The following LMBRD1 variants were observed in gnomAD, a reference collection of about 807,000 sequenced individuals.
The protein encoded by LMBRD1 is LMBR1 domain containing 1, also known as lysosomal cobalamin transport escort protein LMBD1.
Under a neutral mutation model 74.8 loss-of-function variants are expected in LMBRD1, and 64 were observed. That is an observed-to-expected ratio of 0.86 (90% CI 0.70 to 1.05). The LOEUF (loss-of-function observed/expected upper bound fraction) is 1.05. Among genes scored for constraint, LMBRD1 ranks in the 50% least tolerant of loss-of-function variants. LMBRD1 has a pLI of 0.00. For missense variants in LMBRD1, 652 were observed against 645.9 expected (o/e 1.01, Z -0.10); for synonymous variants, 204 against 216.3 (o/e 0.94, Z 0.50).
chr6:69,742,534 T>C (rs1480315945), intron 5 of LMBRD1, among the ~76,000 whole-genome samples: 2 of 152,132 alleles, frequency 1.3e-5, no homozygotes, highest in East Asian at 1.9e-4. Flanking sequence ...ATGTGCACTT[T>C]ATTATCTAGC....
intron 1 of LMBRD1, chr6:69,790,692 T>C (rs1766062287): frequency 1.9e-6 from 1 of 539,158 alleles, no homozygotes; most frequent in South Asian, 2.0e-5. Flanking sequence ...CACACAATAC[T>C]ATTAATAACA....
At chr6:69,716,238 G>C (rs969699618) in intron 8 of LMBRD1, among the ~76,000 whole-genome samples, 1 of 152,192 alleles carries the variant, frequency 6.6e-6, no homozygotes, top group Non-Finnish European at 1.5e-5. Context: ...TCTACCAACA[G>C]TGTTTAAGCC....
At chr6:69,717,197 ACT>A (rs1301061340) in intron 8 of LMBRD1, among the ~76,000 whole-genome samples, 5 of 151,998 alleles carry the variant, frequency 3.3e-5, no homozygotes, top group African/African-American at 1.2e-4. Flanking sequence ...ACTGTGATAA[ACT>A]CTTATTAGTT....
intron 1 of LMBRD1, among the ~76,000 whole-genome samples, chr6:69,791,095 C>A (rs940431547): frequency 2.0e-5 from 3 of 152,212 alleles, no homozygotes; most frequent in African/African-American, 7.2e-5. Flanking sequence ...GTTGACATCT[C>A]TAGTCAGCCA....
chr6:69,711,087 T>C (rs897590416), intron 9 of LMBRD1, among the ~76,000 whole-genome samples: 8 of 152,142 alleles, frequency 5.3e-5, no homozygotes, highest in Non-Finnish European at 1.0e-4. Context: ...AATAAACAAA[T>C]TGTGATACAG....
intron 4 of LMBRD1, among the ~76,000 whole-genome samples, chr6:69,751,352 GTC>G (rs1178822752): frequency 2.0e-5 from 3 of 150,970 alleles, no homozygotes; most frequent in Non-Finnish European, 4.4e-5. Context: ...CTGAGATGGA[GTC>G]TCGCTCTTGT....
chr6:69,711,194 C>T (rs1766375363), intron 9 of LMBRD1, among the ~76,000 whole-genome samples: 1 of 152,066 alleles, frequency 6.6e-6, no homozygotes. Context: ...AAAAACTGTG[C>T]CATGCCAAAG....
Position 69,726,828 on chromosome 6 carries a change from G to A in LMBRD1, c.637-7747C>T, listed in dbSNP as rs73485539. 3.3e-3 allele frequency among the ~76,000 whole-genome samples: 509 copies of A among 151,962 alleles called. 2 individuals are homozygous for A. Among genetic ancestry groups the A allele is most frequent in the African/African-American group, 0.012 (479 of 41,444 alleles). On this transcript the variant is annotated intron_variant, in intron 7 of 15. Coordinates refer to ENST00000649934, the MANE Select transcript of LMBRD1 (RefSeq NM_018368.4). ...CCCAGTATTTGAAAGCACAACAGGT[G>A]AACTATAGTCAATAATAATTTCGTT...
At chr6:69,755,430 A>C (rs989120771) in intron 3 of LMBRD1, among the ~76,000 whole-genome samples, 1 of 151,912 alleles carries the variant, frequency 6.6e-6, no homozygotes, top group African/African-American at 2.4e-5. Flanking sequence ...GGGGCCTGTC[A>C]GGGGGTTGGG....
chr6:69,763,782 T>C (rs1222493598), intron 3 of LMBRD1, among the ~76,000 whole-genome samples: 6 of 152,228 alleles, frequency 3.9e-5, no homozygotes, highest in African/African-American at 1.4e-4. Flanking sequence ...AAGAAGACTG[T>C]TTTTGAGCTA....
intron 2 of LMBRD1, among the ~76,000 whole-genome samples, chr6:69,783,859 C>CA (rs937228612): frequency 4.0e-4 from 60 of 149,996 alleles, no homozygotes; most frequent in African/African-American, 1.0e-3. Flanking sequence ...ATCCCAATCT[C>CA]AAAAAAAAAT....
At chr6:69,737,312 A>C (rs905354945) in intron 7 of LMBRD1, among the ~76,000 whole-genome samples, 1 of 152,054 alleles carries the variant, frequency 6.6e-6, no homozygotes, top group African/African-American at 2.4e-5. Context: ...CTACAATGTG[A>C]GCAAAAGACT....
At chr6:69,691,877 A>AT (rs1283839446) in intron 14 of LMBRD1, among the ~76,000 whole-genome samples, 1 of 147,034 alleles carries the variant, frequency 6.8e-6, no homozygotes, top group East Asian at 1.9e-4. Context: ...CTCCGTCTCA[A>AT]AAAAAAAAAA....
At chr6:69,715,969 A>T (rs1220366896) in intron 8 of LMBRD1, among the ~76,000 whole-genome samples, 1 of 152,178 alleles carries the variant, frequency 6.6e-6, no homozygotes, top group Non-Finnish European at 1.5e-5. Flanking sequence ...ATGGCTACAT[A>T]CTATTCCATG....
At position 69,739,859 on chromosome 6, in the gene LMBRD1, G is replaced by A. The variant is rs538165222; in HGVS notation, c.563-1844C>T. ...GCAGTGGCTCATGCCTGTAATCCCA[G>A]CACTTTGGGAGGCCAAGGTGGGCGG... On this transcript the variant is annotated intron_variant, in intron 6 of 15. Coordinates refer to ENST00000649934, the MANE Select transcript of LMBRD1 (RefSeq NM_018368.4). Among the ~76,000 whole-genome samples the A allele has an allele frequency of 8.5e-5, 13 of 152,292 alleles. No homozygotes were observed. In the East Asian group the frequency reaches 2.5e-3, roughly 29 times the overall value.
chr6:69,721,179 C>A (rs1766606094), intron 7 of LMBRD1, among the ~76,000 whole-genome samples: 1 of 152,202 alleles, frequency 6.6e-6, no homozygotes, highest in Non-Finnish European at 1.5e-5. Flanking sequence ...GAAACAAGGA[C>A]TGCAATTCCT....
intron 6 of LMBRD1, 25 bp downstream of exon 6, chr6:69,741,764 G>GT (rs756033228): frequency 1.3e-4 from 176 of 1,353,818 alleles, no homozygotes; most frequent in Non-Finnish European, 1.8e-4. Flanking sequence ...AAACTACTAT[G>GT]TTTTTTAAAA....
intron 2 of LMBRD1, among the ~76,000 whole-genome samples, chr6:69,786,752 G>A (rs1342087655): frequency 6.6e-6 from 1 of 152,164 alleles, no homozygotes; most frequent in East Asian, 1.9e-4. Flanking sequence ...GGCAGAGAAA[G>A]CTAGAAGGGT....
intron 3 of LMBRD1, among the ~76,000 whole-genome samples, chr6:69,779,041 C>T (rs1268288450): frequency 6.6e-6 from 1 of 152,002 alleles, no homozygotes; most frequent in Admixed American, 6.6e-5. Flanking sequence ...CAAAAATTAG[C>T]TGGGCGTGAT....
Sources: allele counts gnomAD v4.1 joint callset (sites outside exome capture counted in the v4.1 genomes callset), GRCh38; gene constraint gnomAD v4.1.1; transcripts MANE v1.5; gene names NCBI Gene and HGNC (gene_info 2026-07-23, HGNC 2026-07-21).